Variants in TP53BP1 observed in about 807,000 individuals in gnomAD.
The protein encoded by TP53BP1 is TP53-binding protein 1.
Under a neutral mutation model 200.8 loss-of-function variants are expected in TP53BP1, and 61 were observed. That is an observed-to-expected ratio of 0.30 (90% CI 0.25 to 0.38). The LOEUF (loss-of-function observed/expected upper bound fraction) is 0.38, where lower values mean the gene tolerates loss of function less well. Among genes scored for constraint, TP53BP1 ranks in the 10% least tolerant of loss-of-function variants. TP53BP1 has a pLI of 1.00. For missense variants in TP53BP1, 2,144 were observed against 2,371.9 expected (o/e 0.90, Z 2.00); for synonymous variants, 822 against 844.3 (o/e 0.97, Z 0.46).
intron 10 of TP53BP1, among the ~76,000 whole-genome samples, chr15:43,471,445 G>C (rs1358584979): frequency 7.3e-6 from 1 of 136,086 alleles, no homozygotes; most frequent in Non-Finnish European, 1.6e-5. Flanking sequence ...TTTTTTTTTT[G>C]AGACAGGGTC....
At chr15:43,506,284 T>A (rs1033389908) in intron 1 of TP53BP1, among the ~76,000 whole-genome samples, 6 of 152,214 alleles carry the variant, frequency 3.9e-5, no homozygotes, top group Non-Finnish European at 5.9e-5. Context: ...ATGAAATTAT[T>A]TCCAGAAAAA....
rs748925880 is a variant in TP53BP1, at chr15:43,413,163, G to A, written c.5261C>T (p.Ser1754Phe). The change falls in exon 24 of 28, where the codon TCC becomes TTC. Residue 1754 changes from serine (S) to phenylalanine (F), a missense_variant. Around this residue, in one of 4 missense-constraint regions of TP53BP1, gnomAD observed 334 missense variants for 453.4 expected, o/e 0.74. Coordinates refer to ENST00000382044, the MANE Select transcript of TP53BP1 (RefSeq NM_001141980.3). ...ATTSDKLASR[S>F]KLPDGPTGSS... ...TCCTGTAGGACCATCTGGCAGTTTG[G>A]AGCGGCTGGCCAACTTGTCACTGGT... 7 of 1,614,162 alleles carry A rather than the reference G, an allele frequency of 4.3e-6. No individual in the cohort carries two copies. In the South Asian group the frequency reaches 4.4e-5, roughly 10 times the overall value.
At chr15:43,467,189 C>T (rs2046605036) in intron 11 of TP53BP1, among the ~76,000 whole-genome samples, 1 of 152,016 alleles carries the variant, frequency 6.6e-6, no homozygotes, top group Non-Finnish European at 1.5e-5. Context: ...CCTCAGCCTC[C>T]TGAGCAGCTG....
intron 11 of TP53BP1, among the ~76,000 whole-genome samples, chr15:43,457,569 G>T (rs560708923): frequency 3.2e-4 from 48 of 150,564 alleles, no homozygotes; most frequent in Middle Eastern, 6.8e-3. Flanking sequence ...CTACTTGGGA[G>T]GCTGAGGCAG....
rs45580834 is a variant in TP53BP1, at chr15:43,433,631, T to C, written c.3192-954A>G. ...ATCTACTCAGATTAAATCAACATAA[T>C]GCAGTTTTAGGCTCCATTACACGCA... On this transcript the variant is annotated intron_variant, in intron 16 of 27. Coordinates refer to ENST00000382044, the MANE Select transcript of TP53BP1 (RefSeq NM_001141980.3). Among the ~76,000 whole-genome samples, 275 of 152,308 alleles carry C rather than the reference T, an allele frequency of 1.8e-3. 1 individual carries two copies. The highest frequency in any genetic ancestry group is 3.0e-3 in the Non-Finnish European group (201 of 68,026).
chr15:43,440,514 CA>C (rs767523102), intron 15 of TP53BP1, among the ~76,000 whole-genome samples: 7 of 94,942 alleles, frequency 7.4e-5, no homozygotes, highest in African/African-American at 1.5e-4. Context: ...GACTCCGTCT[CA>C]AAAAAAAAAA....
chr15:43,432,578 G>A lies in TP53BP1; in HGVS notation c.3291C>T (p.Pro1097=), dbSNP rs1301575528. 1 of 1,613,952 alleles carries A rather than the reference G, an allele frequency of 6.2e-7. No homozygotes were observed. The highest frequency in any genetic ancestry group is 8.5e-7 in the Non-Finnish European group (1 of 1,180,008). ...AAACAGGGTCCTTGACAGGACTAAT[G>A]GGCTTCATAGGCTGTTGACTCTGCC... The part of the protein sequence containing the change: ...TIRQSQQPMK[P]ISPVKDPVSP... Residue 1097 remains proline, a synonymous_variant, in exon 17 of 28, where the codon CCC becomes CCT. Transcript: ENST00000382044.
intron 11 of TP53BP1, among the ~76,000 whole-genome samples, chr15:43,463,583 G>A (rs1454893037): frequency 1.3e-5 from 2 of 152,136 alleles, no homozygotes; most frequent in Non-Finnish European, 2.9e-5. Flanking sequence ...ATGGTAAAGG[G>A]ATTTTTCTTA....
intron 1 of TP53BP1, among the ~76,000 whole-genome samples, chr15:43,501,099 ATAGT>A (rs2079207157): frequency 6.6e-6 from 1 of 152,178 alleles, no homozygotes; most frequent in Admixed American, 6.5e-5. Context: ...TACCAATTCA[ATAGT>A]TAGGCTTGTT....
At chr15:43,446,272 G>C in intron 14 of TP53BP1, 115 bp downstream of exon 14, 1 of 817,130 alleles carries the variant, frequency 1.2e-6, no homozygotes, top group South Asian at 1.9e-5. Context: ...ATGAGTGTAA[G>C]ACTTTACAAA....
In TP53BP1 at chr15:43,404,863, G is replaced by A. The variant is rs576103523; in HGVS notation, c.*2520C>T. ...TCTGATATGAACTAGCTGTGCAGCC[G>A]TGGGCACCCCGCCTTGCTGGTCCCT... On this transcript the variant is annotated 3_prime_UTR_variant, in exon 28 of 28. Transcript: ENST00000382044. 82 of 482,856 alleles carry A rather than the reference G, an allele frequency of 1.7e-4. No individual in the cohort carries two copies. Among genetic ancestry groups the A allele is most frequent in the Admixed American group, 1.6e-3 (44 of 26,842 alleles). 29.9% of individuals were successfully genotyped at this position (482,856 alleles called of 1,614,324 possible). A position where few individuals can be genotyped will look rare whatever the true frequency, so the allele number is the denominator to read the frequency against.
In TP53BP1 at chr15:43,407,305, A is replaced by T; in HGVS notation, c.*78T>A. The T allele has an allele frequency of 7.9e-7, 1 of 1,273,732 alleles. No individual in the cohort carries two copies. Among genetic ancestry groups the T allele is most frequent in the South Asian group, 1.3e-5 (1 of 75,220 alleles). The allele number at this position is 1,273,732 out of a possible 1,614,324, so 78.9% of individuals were successfully genotyped here. A position where few individuals can be genotyped will look rare whatever the true frequency, so the allele number is the denominator to read the frequency against. On this transcript the variant is annotated 3_prime_UTR_variant, in exon 28 of 28. Coordinates refer to ENST00000382044, the MANE Select transcript of TP53BP1 (RefSeq NM_001141980.3). ...AGATCCATGCAAGGAATCCAGTTACACACAAGACACATTTAAAACCTGGTT... is the reference window on the plus strand; with the variant it reads ...AGATCCATGCAAGGAATCCAGTTACTCACAAGACACATTTAAAACCTGGTT...
intron 1 of TP53BP1, among the ~76,000 whole-genome samples, chr15:43,503,074 C>T (rs574354070): frequency 6.6e-6 from 1 of 152,260 alleles, no homozygotes; most frequent in South Asian, 2.1e-4. Flanking sequence ...TTTTAGTCAA[C>T]TTTATATATC....
exon 1 of TP53BP1, chr15:43,510,540 T>C (rs1434273099): frequency 2.5e-5 from 4 of 159,608 alleles, no homozygotes; most frequent in African/African-American, 9.7e-5. Context: ...CAAACAACGA[T>C]AATACAGACA....
At chr15:43,509,499 C>A (rs2079259265) in intron 1 of TP53BP1, among the ~76,000 whole-genome samples, 1 of 152,170 alleles carries the variant, frequency 6.6e-6, no homozygotes. Flanking sequence ...ACCTTCGCCT[C>A]CCGGGTTCAA....
At chr15:43,485,588 AAG>A (rs2079036196) in intron 4 of TP53BP1, among the ~76,000 whole-genome samples, 1 of 149,414 alleles carries the variant, frequency 6.7e-6, no homozygotes, top group Non-Finnish European at 1.5e-5. Flanking sequence ...AAAAAAAAAA[AAG>A]AAAGTACTTT....
rs2078868470 is a variant in TP53BP1, at chr15:43,475,587, G to A, written c.1063C>T (p.Leu355Phe). Residue 355 changes from leucine (L) to phenylalanine (F), a missense_variant, in exon 9 of 28, where the codon CTT becomes TTT. Physicochemically the swap from Leu to Phe is conservative, Grantham distance 22. Around this residue, in one of 4 missense-constraint regions of TP53BP1, gnomAD observed 1,700 missense variants for 1,710.3 expected, o/e 0.99. Transcript: ENST00000382044. ...HLLQLSGQRS[L>F]VQDSLSTNSS... is the part of the protein sequence containing the mutation. ...TACGTGGAAAGACTGTCCTGAACAAGGGACCTCTGACCAGAGAGCTGCAGG... is the reference window on the plus strand; with the variant it reads ...TACGTGGAAAGACTGTCCTGAACAAAGGACCTCTGACCAGAGAGCTGCAGG... 6.2e-7 allele frequency: 1 copy of A among 1,614,002 alleles called. No individual in the cohort carries two copies. Among genetic ancestry groups the A allele is most frequent in the African/African-American group, 1.3e-5 (1 of 74,918 alleles).
chr15:43,462,216 CAAAAAAAAAAAAAAAAAAAAAAA>C (rs779088744), intron 11 of TP53BP1, among the ~76,000 whole-genome samples: 3 of 34,054 alleles, frequency 8.8e-5, no homozygotes, highest in African/African-American at 8.3e-5. Context: ...GACTTCATCT[CAAAAAAAAAAAAAAAAAAAAAAA>C]AAAAAAAAAA....
chr15:43,447,488 G>GAAAAAAAAAAAAAAA lies in TP53BP1; in HGVS notation c.2717-18_2717-4dup, dbSNP rs749575788. On this transcript the variant is annotated splice_region_variant and splice_polypyrimidine_tract_variant and intron_variant, in intron 12 of 27. Transcript: ENST00000382044. ...CAAAGTGAAATGAAATGGGGTTTCT[G>GAAAAAAAAAAAAAAA]AAAAAAAAAAAAAAAAGAAAAAAGA... 37 of 956,406 alleles carry GAAAAAAAAAAAAAAA rather than the reference G, an allele frequency of 3.9e-5. No individual in the cohort carries two copies. The highest frequency in any genetic ancestry group is 2.2e-4 in the Admixed American group (5 of 22,290). 59.2% of individuals were successfully genotyped at this position (956,406 alleles called of 1,614,324 possible).
Sources: gnomAD v4.1 joint callset for allele counts (sites outside exome capture counted in the v4.1 genomes callset) on GRCh38, gnomAD v4.1.1 for gene constraint, gnomAD v4.1.1 regional missense constraint, MANE v1.5 for transcripts, NCBI Gene and HGNC (gene_info 2026-07-23, HGNC 2026-07-21) for gene names.